HIVEP1: variants seen among roughly 807,000 people sequenced by gnomAD.
HIVEP1 encodes HIVEP zinc finger 1.
HIVEP1 carries 36 observed loss-of-function variants against 180.0 expected under a neutral mutation model. The observed-to-expected ratio is 0.20, with a 90% confidence interval of 0.15 to 0.26. HIVEP1 has a LOEUF of 0.26. Among genes scored for constraint, HIVEP1 ranks in the 10% least tolerant of loss-of-function variants. The probability of loss-of-function intolerance (pLI) is 1.00; values close to 1 mark genes in which losing one functional copy is unlikely to be tolerated. For synonymous variants in HIVEP1, 1,239 were observed against 1,239.0 expected (o/e 1.00, Z 0.00); for missense variants, 3,143 against 3,268.7 (o/e 0.96, Z 0.94).
At chr6:12,020,394 G>A in intron 2 of HIVEP1, 2 of 471,128 alleles carry the variant, frequency 4.2e-6, no homozygotes, top group South Asian at 3.1e-5. Context: ...TGGACTGCAC[G>A]GGGTGGCTCT....
intron 2 of HIVEP1, among the ~76,000 whole-genome samples, chr6:12,051,396 A>C (rs1449447474): frequency 6.6e-6 from 1 of 152,012 alleles, no homozygotes; most frequent in Non-Finnish European, 1.5e-5. Flanking sequence ...TATTTACATG[A>C]CTCCAAAGTA....
At chr6:12,142,199 G>A (rs1158436890) in intron 7 of HIVEP1, among the ~76,000 whole-genome samples, 1 of 152,192 alleles carries the variant, frequency 6.6e-6, no homozygotes. Flanking sequence ...AGACCACAGT[G>A]CAATCCAATT....
chr6:12,069,945 T>C (rs1433752806), intron 2 of HIVEP1, among the ~76,000 whole-genome samples: 4 of 151,718 alleles, frequency 2.6e-5, no homozygotes, highest in Non-Finnish European at 5.9e-5. Context: ...TTTTTTAACT[T>C]TGTTATTAAG....
chr6:12,187,644 G>A, the HIVEP1 span, among the ~76,000 whole-genome samples: 2 of 149,876 alleles, frequency 1.3e-5, no homozygotes, highest in Non-Finnish European at 3.0e-5. Context: ...CCAGGCTGGA[G>A]TGCAGTGGCA....
At chr6:12,162,224 A>T (rs1217138557) in intron 8 of HIVEP1, among the ~76,000 whole-genome samples, 2 of 7,148 alleles carry the variant, frequency 2.8e-4, no homozygotes, top group East Asian at 9.1e-3. Flanking sequence ...TTTGAAATTA[A>T]AAAAAAAAAA....
chr6:12,129,005 G>A (rs1317984680), intron 4 of HIVEP1, among the ~76,000 whole-genome samples: 1 of 152,138 alleles, frequency 6.6e-6, no homozygotes, highest in Non-Finnish European at 1.5e-5. Context: ...GAGGTCAGGA[G>A]TATAAGACTG....
intron 7 of HIVEP1, among the ~76,000 whole-genome samples, chr6:12,151,120 C>T (rs115950723): frequency 1.1e-3 from 161 of 152,212 alleles, no homozygotes; most frequent in South Asian, 9.9e-3. Flanking sequence ...AGTTGTTTGA[C>T]GTAAATGTAT....
At chr6:12,036,873 A>T (rs1769307122) in intron 2 of HIVEP1, among the ~76,000 whole-genome samples, 1 of 152,200 alleles carries the variant, frequency 6.6e-6, no homozygotes. Context: ...GCACCACTGC[A>T]CTCCAGCCTG....
rs1775507568 is a variant in HIVEP1 at position 12,120,555 on chromosome 6, G to A, written c.760G>A (p.Glu254Lys). The A allele has an allele frequency of 6.2e-7, 1 of 1,614,082 alleles. No homozygotes were observed. The highest frequency in any genetic ancestry group is 1.3e-5 in the African/African-American group (1 of 74,936). The change falls in exon 4 of 9, where the codon GAA becomes AAA. Residue 254 changes from glutamate (E) to lysine (K), a missense_variant. By Grantham distance (56) the Glu-to-Lys change is moderately conservative. Coordinates refer to ENST00000379388, the MANE Select transcript of HIVEP1 (RefSeq NM_002114.4). ...TCAGACTTCACAGGAATTGGTTGCT[G>A]AATCACAGTCTTCTTGTACCTCATA... The part of the protein sequence containing the change: ...PNQTSQELVA[E>K]SQSSCTSYTV...
chr6:12,126,829 T>A (rs536782218), intron 4 of HIVEP1, among the ~76,000 whole-genome samples: 76 of 152,224 alleles, frequency 5.0e-4, no homozygotes, highest in African/African-American at 1.5e-3. Context: ...AAATTTTTTT[T>A]AAAAAAATAG....
At chr6:12,173,739 CATTT>C in the HIVEP1 span, among the ~76,000 whole-genome samples, 15 of 152,250 alleles carry the variant, frequency 9.9e-5, no homozygotes, top group African/African-American at 2.6e-4. Flanking sequence ...ATCTTTCATT[CATTT>C]GTTTTCAGTT....
intron 3 of HIVEP1, among the ~76,000 whole-genome samples, chr6:12,114,173 G>A (rs1239445266): frequency 3.9e-5 from 6 of 152,020 alleles, no homozygotes; most frequent in East Asian, 3.9e-4. Flanking sequence ...GGCCCTGCGC[G>A]TCCTCATGCC....
intron 2 of HIVEP1, among the ~76,000 whole-genome samples, chr6:12,068,278 C>A (rs149306053): frequency 0.048 from 7,323 of 151,972 alleles, 233 homozygotes; most frequent in Middle Eastern, 0.14. Context: ...TTAGTAGAGG[C>A]GGGGTTTCAC....
At chr6:12,030,208 T>C (rs1434485498) in intron 2 of HIVEP1, among the ~76,000 whole-genome samples, 2 of 152,190 alleles carry the variant, frequency 1.3e-5, no homozygotes, top group African/African-American at 4.8e-5. Flanking sequence ...TCTTTCATGG[T>C]TCTTTCCATT....
At position 12,123,492 on chromosome 6, in the gene HIVEP1, C is replaced by A. The variant is rs1386430969; in HGVS notation, c.3697C>A (p.Gln1233Lys). 6.2e-7 allele frequency: 1 copy of A among 1,614,116 alleles called. No individual in the cohort carries two copies. Among genetic ancestry groups the A allele is most frequent in the Non-Finnish European group, 8.5e-7 (1 of 1,180,014 alleles). ...PSRLVRQHNI[Q>K]VPEILVTEEP... ...AAGACTTGTCCGGCAGCACAACATC[C>A]AAGTTCCAGAGATTTTGGTCACAGA... is the stretch of plus-strand genomic sequence containing the variant. Residue 1233 changes from glutamine (Q) to lysine (K), a missense_variant, in exon 4 of 9, where the codon CAA becomes AAA. Coordinates refer to ENST00000379388, the MANE Select transcript of HIVEP1 (RefSeq NM_002114.4).
chr6:12,185,504 C>T, the HIVEP1 span, among the ~76,000 whole-genome samples: 3 of 152,168 alleles, frequency 2.0e-5, no homozygotes, highest in Non-Finnish European at 4.4e-5. Context: ...GGGGCACTGG[C>T]GTTCTGACCT....
Position 12,155,261 on chromosome 6 carries a change from T to C in HIVEP1, c.6488-6178T>C, listed in dbSNP as rs192811401. ...ATTTAGAGATGTGTTCTTTTTTTTC[T>C]TCAACTTCTAAGTTCAGGGGTACAT... On this transcript the variant is annotated intron_variant, in intron 7 of 8. Transcript: ENST00000379388. Among the ~76,000 whole-genome samples, 32 of 152,320 alleles carry C rather than the reference T, an allele frequency of 2.1e-4. 1 individual carries two copies. The highest frequency in any genetic ancestry group is 7.5e-4 in the African/African-American group (31 of 41,556).
intron 2 of HIVEP1, among the ~76,000 whole-genome samples, chr6:12,020,046 G>A (rs1037955241): frequency 6.6e-6 from 1 of 152,144 alleles, no homozygotes; most frequent in African/African-American, 2.4e-5. Context: ...GCTCTTAGAG[G>A]TTGTTTACTA....
At chr6:12,073,485 T>C (rs975805713) in intron 2 of HIVEP1, among the ~76,000 whole-genome samples, 1 of 152,060 alleles carries the variant, frequency 6.6e-6, no homozygotes, top group Admixed American at 6.6e-5. Context: ...CCAGACCCCA[T>C]CTCTGTGTCC....
Sources: allele counts gnomAD v4.1 joint callset (sites outside exome capture counted in the v4.1 genomes callset), GRCh38; gene constraint gnomAD v4.1.1; transcripts MANE v1.5; gene names NCBI Gene and HGNC (gene_info 2026-07-23, HGNC 2026-07-21).